The following SEMA3A variants were observed in gnomAD, a reference collection of about 807,000 sequenced individuals.
SEMA3A encodes the protein semaphorin 3A, also known as semaphorin-3A.
SEMA3A carries 29 observed loss-of-function variants against 97.9 expected under a neutral mutation model. The ratio of observed to expected loss-of-function variants is 0.30; its 90% CI spans 0.22 to 0.40. SEMA3A has a LOEUF of 0.40. Ranked by LOEUF, SEMA3A falls within the 10% of genes least tolerant of loss-of-function variation. The pLI, the probability that SEMA3A is intolerant of heterozygous loss-of-function variation, is 1.00. For missense variants in SEMA3A, 763 were observed against 951.3 expected, an observed-to-expected ratio of 0.80 and a Z score of 2.60; for synonymous variants, 321 against 323.7, an observed-to-expected ratio of 0.99 and a Z score of 0.09.
chr7:84,051,322 T>C (rs1426497482), intron 5 of SEMA3A, among the ~76,000 whole-genome samples: 3 of 152,200 alleles, frequency 2.0e-5, no homozygotes, highest in Admixed American at 1.3e-4. Flanking sequence ...TTTCACGATA[T>C]TGATTCTTCC....
At chr7:84,323,235 T>G (rs188708416) in intron 2 of SEMA3A, among the ~76,000 whole-genome samples, 1 of 152,322 alleles carries the variant, frequency 6.6e-6, no homozygotes, top group East Asian at 1.9e-4. Context: ...TTTTGTTCTA[T>G]AGTGTAATAT....
intron 1 of SEMA3A, among the ~76,000 whole-genome samples, chr7:84,158,663 T>C (rs930544377): frequency 3.9e-5 from 6 of 152,184 alleles, no homozygotes; most frequent in African/African-American, 1.4e-4. Context: ...TTGTGCTTCC[T>C]TGCACAGCCT....
At chr7:84,182,224 G>A (rs1320805686) in intron 1 of SEMA3A, among the ~76,000 whole-genome samples, 3 of 152,096 alleles carry the variant, frequency 2.0e-5, no homozygotes, top group South Asian at 4.1e-4. Flanking sequence ...TTATATCTAC[G>A]AGGTTTCATT....
Position 83,961,388 on chromosome 7 carries a change from C to G in SEMA3A, c.2299G>C (p.Ala767Pro), listed in dbSNP as rs1006929624. 1 of 1,613,826 alleles carries G rather than the reference C, an allele frequency of 6.2e-7. No individual in the cohort carries two copies. Among genetic ancestry groups the G allele is most frequent in the Non-Finnish European group, 8.5e-7 (1 of 1,179,764 alleles). Residue 767 changes from alanine to proline, a missense_variant, in exon 17 of 17, where the codon GCA (alanine) becomes CCA (proline). Transcript: ENST00000265362. ...AATGCAGCTCAGACACTCCTGGGTGCCCTCTCAAATTCGTGGGTCCTCCTG... is the reference window on the plus strand; with the variant it reads ...AATGCAGCTCAGACACTCCTGGGTGGCCTCTCAAATTCGTGGGTCCTCCTG... ...RNRRTHEFER[A>P]PRSV
intron 6 of SEMA3A, among the ~76,000 whole-genome samples, chr7:84,027,901 C>T (rs1011575244): frequency 1.3e-5 from 2 of 152,156 alleles, no homozygotes; most frequent in Admixed American, 1.3e-4. Flanking sequence ...ATTGTTATCC[C>T]ATGGTTGATT....
chr7:83,978,402 T>C (rs1340881472), intron 14 of SEMA3A, among the ~76,000 whole-genome samples: 1 of 152,000 alleles, frequency 6.6e-6, no homozygotes, highest in Non-Finnish European at 1.5e-5. Context: ...AAGGAGGAGG[T>C]AGGCTGTAGT....
intron 1 of SEMA3A, among the ~76,000 whole-genome samples, chr7:84,147,917 T>C (rs1425537770): frequency 6.6e-6 from 1 of 152,088 alleles, no homozygotes; most frequent in Non-Finnish European, 1.5e-5. Context: ...CCTTCCTTCC[T>C]TTTTGTTTTT....
chr7:84,035,316 G>T (rs559804117), intron 6 of SEMA3A, among the ~76,000 whole-genome samples: 107 of 151,988 alleles, frequency 7.0e-4, no homozygotes, highest in African/African-American at 2.6e-3. Context: ...CAAAGAAATT[G>T]GGAAATGACT....
At chr7:84,425,655 C>T (rs961486562) in intron 1 of SEMA3A, among the ~76,000 whole-genome samples, 3 of 145,966 alleles carry the variant, frequency 2.1e-5, no homozygotes, top group Non-Finnish European at 3.0e-5. Flanking sequence ...TATATATATG[C>T]CTGGTTGTTA....
intron 5 of SEMA3A, among the ~76,000 whole-genome samples, chr7:84,056,774 AAC>A (rs1792999624): frequency 6.6e-6 from 1 of 152,176 alleles, no homozygotes; most frequent in Non-Finnish European, 1.5e-5. Context: ...AAAATTTTTC[AAC>A]AGTTTATATG....
chr7:84,217,926 T>A (rs1449814377), intron 3 of SEMA3A, among the ~76,000 whole-genome samples: 1 of 151,912 alleles, frequency 6.6e-6, no homozygotes, highest in Non-Finnish European at 1.5e-5. Context: ...ACAAAAAATT[T>A]AAAAAACATA....
chr7:84,231,281 A>G (rs1799110451), intron 3 of SEMA3A, among the ~76,000 whole-genome samples: 1 of 151,934 alleles, frequency 6.6e-6, no homozygotes, highest in Non-Finnish European at 1.5e-5. Flanking sequence ...CAGTGACTGG[A>G]TCATAGTAAG....
At chr7:84,161,307 T>G (rs1032497059) in intron 1 of SEMA3A, among the ~76,000 whole-genome samples, 1 of 151,870 alleles carries the variant, frequency 6.6e-6, no homozygotes, top group African/African-American at 2.4e-5. Flanking sequence ...GAGGTTGCAG[T>G]TAGCCAGGAT....
chr7:83,977,256 G>C, intron 14 of SEMA3A, 60 bp from the exon 15 acceptor site: 1 of 965,604 alleles, frequency 1.0e-6, no homozygotes, highest in South Asian at 1.9e-5. Context: ...CTAGGAATTT[G>C]TCATAAGAAT....
At chr7:84,023,294 A>G (rs1465821176) in intron 6 of SEMA3A, among the ~76,000 whole-genome samples, 8 of 152,320 alleles carry the variant, frequency 5.3e-5, no homozygotes, top group African/African-American at 1.9e-4. Flanking sequence ...AATGTCTAGT[A>G]CAGCAACATT....
At chr7:84,270,479 C>T (rs1800116048) in intron 3 of SEMA3A, among the ~76,000 whole-genome samples, 1 of 150,366 alleles carries the variant, frequency 6.7e-6, no homozygotes, top group East Asian at 2.0e-4. Context: ...CAGCCTTTGG[C>T]AATAATATCT....
At chr7:84,050,176 C>T (rs573494102) in intron 5 of SEMA3A, among the ~76,000 whole-genome samples, 2 of 152,060 alleles carry the variant, frequency 1.3e-5, no homozygotes, top group African/African-American at 2.4e-5. Flanking sequence ...AATAAACATA[C>T]GTGTGCATGT....
intron 1 of SEMA3A, among the ~76,000 whole-genome samples, chr7:84,423,208 A>G (rs571620635): frequency 6.7e-6 from 1 of 149,624 alleles, no homozygotes; most frequent in Admixed American, 6.7e-5. Flanking sequence ...TAGTTCTCAT[A>G]CCATTAGAAT....
intron 1 of SEMA3A, among the ~76,000 whole-genome samples, chr7:84,443,151 C>T (rs1280932545): frequency 6.6e-6 from 1 of 152,098 alleles, no homozygotes; most frequent in Admixed American, 6.5e-5. Flanking sequence ...CTATTCAACA[C>T]TATCCAACAA....
Sources: gnomAD v4.1 joint callset for allele counts (sites outside exome capture counted in the v4.1 genomes callset) on GRCh38, gnomAD v4.1.1 for gene constraint, MANE v1.5 for transcripts, NCBI Gene and HGNC (gene_info 2026-07-23, HGNC 2026-07-21) for gene names.